The following RBFOX1 variants were observed in gnomAD, a reference collection of about 807,000 sequenced individuals.
The protein encoded by RBFOX1 is RNA binding fox-1 homolog 1, also known as RNA binding protein fox-1 homolog 1.
A neutral mutation model predicts 57.7 loss-of-function variants in RBFOX1; 8 were observed. That is an observed-to-expected ratio of 0.14 (90% CI 0.08 to 0.25). The LOEUF (loss-of-function observed/expected upper bound fraction) is 0.25. Ranked by LOEUF, RBFOX1 falls within the 10% of genes least tolerant of loss-of-function variation. The pLI, the probability that RBFOX1 is intolerant of heterozygous loss-of-function variation, is 1.00. For synonymous variants in RBFOX1, 326 were observed against 222.4 expected, an observed-to-expected ratio of 1.47 and a Z score of -4.15; for missense variants, 611 against 548.5, an observed-to-expected ratio of 1.11 and a Z score of -1.14.
chr16:5,241,579 A>C (rs1253230539), intron 1 of RBFOX1, among the ~76,000 whole-genome samples: 2 of 152,186 alleles, frequency 1.3e-5, no homozygotes, highest in Non-Finnish European at 2.9e-5. Flanking sequence ...CTGACATGGC[A>C]CACGCCAGTT....
intron 2 of RBFOX1, among the ~76,000 whole-genome samples, chr16:6,551,095 G>C (rs1599593969): frequency 6.6e-6 from 1 of 152,178 alleles, no homozygotes; most frequent in Admixed American, 6.5e-5. Context: ...TGTGATAATG[G>C]CTCTGCGTTT....
At chr16:6,821,034 T>C (rs1467322582) in intron 3 of RBFOX1, among the ~76,000 whole-genome samples, 1 of 152,230 alleles carries the variant, frequency 6.6e-6, no homozygotes, top group Non-Finnish European at 1.5e-5. Flanking sequence ...TTCTTAACCC[T>C]ACAAAACAGA....
At chr16:5,438,247 C>A (rs1442809601) in intron 1 of RBFOX1, among the ~76,000 whole-genome samples, 1 of 152,232 alleles carries the variant, frequency 6.6e-6, no homozygotes, top group Non-Finnish European at 1.5e-5. Context: ...CCCTCACTCC[C>A]ATCCAGTCAT....
intron 2 of RBFOX1, among the ~76,000 whole-genome samples, chr16:5,589,977 A>G (rs930041255): frequency 3.3e-5 from 5 of 152,194 alleles, no homozygotes; most frequent in African/African-American, 1.2e-4. Flanking sequence ...CTGACGTGAG[A>G]CTGGGTTTTC....
chr16:6,699,065 G>A (rs1161935865), intron 3 of RBFOX1, among the ~76,000 whole-genome samples: 1 of 152,178 alleles, frequency 6.6e-6, no homozygotes, highest in Non-Finnish European at 1.5e-5. Flanking sequence ...AGGGATTCAA[G>A]TAGGCAGGCA....
At chr16:6,886,420 G>C (rs963560624) in intron 3 of RBFOX1, among the ~76,000 whole-genome samples, 1 of 151,880 alleles carries the variant, frequency 6.6e-6, no homozygotes, top group African/African-American at 2.4e-5. Context: ...AATAAATTTT[G>C]TCCCGCTATT....
At position 6,532,247 on chromosome 16, in the gene RBFOX1, G is replaced by A. The variant is rs139507687; in HGVS notation, c.-63-122356G>A. The stretch of plus-strand genomic sequence containing the variant: ...CCCAATGTATGGTCTTACAAAGGCT[G>A]CATAAAATGGGGGAGCTGTAACTTC... On this transcript the variant is annotated intron_variant, in intron 2 of 15. Coordinates refer to ENST00000550418, the MANE Select transcript of RBFOX1 (RefSeq NM_018723.4). 7.2e-5 allele frequency among the ~76,000 whole-genome samples: 11 copies of A among 152,250 alleles called. No individual in the cohort carries two copies. In the East Asian group the frequency reaches 2.1e-3, roughly 30 times the overall value.
At chr16:6,692,264 G>A (rs1331890625) in intron 3 of RBFOX1, among the ~76,000 whole-genome samples, 3 of 151,896 alleles carry the variant, frequency 2.0e-5, no homozygotes, top group South Asian at 4.2e-4. Context: ...GGGAGTAAAC[G>A]TGTGTCTGAG....
At chr16:6,544,806 T>A (rs1461256028) in intron 2 of RBFOX1, among the ~76,000 whole-genome samples, 1 of 152,180 alleles carries the variant, frequency 6.6e-6, no homozygotes, top group Admixed American at 6.5e-5. Flanking sequence ...AGCACGTAGA[T>A]TAGTCAGCGA....
intron 1 of RBFOX1, among the ~76,000 whole-genome samples, chr16:5,279,732 C>A (rs1422689071): frequency 2.6e-5 from 4 of 152,152 alleles, no homozygotes; most frequent in African/African-American, 9.7e-5. Flanking sequence ...AAACTCCCAA[C>A]CTCAGGTGAT....
At chr16:7,014,883 C>G (rs916381999) in intron 3 of RBFOX1, among the ~76,000 whole-genome samples, 19 of 152,030 alleles carry the variant, frequency 1.2e-4, no homozygotes, top group Admixed American at 2.0e-4. Context: ...TGCCACCACA[C>G]CCGGCTAATT....
intron 3 of RBFOX1, among the ~76,000 whole-genome samples, chr16:5,608,246 T>C (rs2047657117): frequency 1.3e-5 from 2 of 152,138 alleles, no homozygotes; most frequent in South Asian, 4.1e-4. Context: ...GAGGGGCACT[T>C]TGAGTCTCAG....
At chr16:6,445,240 A>G in intron 2 of RBFOX1, among the ~76,000 whole-genome samples, 1 of 152,126 alleles carries the variant, frequency 6.6e-6, no homozygotes, top group Middle Eastern at 3.4e-3. Flanking sequence ...TTTTTTATAT[A>G]TATAATTTTT....
At position 6,773,180 on chromosome 16, in the gene RBFOX1, G is replaced by GTT. The variant is rs1555455098; in HGVS notation, c.-16+118531_-16+118532insTT. 1.8e-4 allele frequency among the ~76,000 whole-genome samples: 19 copies of GTT among 107,450 alleles called. 1 individual carries two copies. Among genetic ancestry groups the GTT allele is most frequent in the East Asian group, 1.0e-3 (3 of 3,008 alleles). The allele number at this position is 107,450 out of a possible 152,430, so 70.5% of individuals were successfully genotyped here. ...GGGTGTGGGGTGCATTTGTGTGTGT[G>GTT]TGTGTGGGCATGGGGTGCATTTGTG... On this transcript the variant is annotated intron_variant, in intron 3 of 15. Coordinates refer to ENST00000550418, the MANE Select transcript of RBFOX1 (RefSeq NM_018723.4).
chr16:5,909,355 G>C (rs890384673), intron 4 of RBFOX1, among the ~76,000 whole-genome samples: 8 of 152,268 alleles, frequency 5.3e-5, no homozygotes, highest in Non-Finnish European at 8.8e-5. Flanking sequence ...GCCTCCCAAA[G>C]TGCTGGGATT....
chr16:7,055,068 G>A (rs1476046682), intron 4 of RBFOX1, among the ~76,000 whole-genome samples: 5 of 152,046 alleles, frequency 3.3e-5, no homozygotes, highest in Non-Finnish European at 5.9e-5. Context: ...TTAATATCTT[G>A]AAGATATTAA....
At chr16:5,687,447 C>T (rs2050539263) in intron 3 of RBFOX1, among the ~76,000 whole-genome samples, 2 of 152,180 alleles carry the variant, frequency 1.3e-5, no homozygotes, top group South Asian at 4.1e-4. Context: ...ATGTACATCT[C>T]ACAACTGTTG....
chr16:6,158,688 A>G (rs10163273), intron 1 of RBFOX1, among the ~76,000 whole-genome samples: 112,806 of 152,032 alleles, frequency 0.74, 42,483 homozygotes, highest in Middle Eastern at 0.83. Context: ...CATGTCTTGG[A>G]GAGCTTACCT....
chr16:7,193,566 T>C (rs918782392), intron 4 of RBFOX1, among the ~76,000 whole-genome samples: 2 of 152,268 alleles, frequency 1.3e-5, no homozygotes, highest in Admixed American at 6.5e-5. Flanking sequence ...GATGCTCTTA[T>C]GAGCATTTTA....
Sources: gnomAD v4.1 joint callset for allele counts (sites outside exome capture counted in the v4.1 genomes callset) on GRCh38, gnomAD v4.1.1 for gene constraint, MANE v1.5 for transcripts, NCBI Gene and HGNC (gene_info 2026-07-23, HGNC 2026-07-21) for gene names.